ATRN: variants seen among roughly 807,000 people sequenced by gnomAD.
The protein encoded by ATRN is attractin.
A neutral mutation model predicts 178.7 loss-of-function variants in ATRN; 54 were observed. The ratio of observed to expected loss-of-function variants is 0.30; its 90% CI spans 0.24 to 0.38. The LOEUF is 0.38. ATRN is among the 10% of genes least tolerant of loss of function. ATRN has a pLI of 1.00. For synonymous variants in ATRN, 636 were observed against 663.0 expected, an observed-to-expected ratio of 0.96 and a Z score of 0.63; for missense variants, 1,443 against 1,815.1, an observed-to-expected ratio of 0.79 and a Z score of 3.73.
chr20:3,558,368 C>T (rs2085906328), intron 6 of ATRN, among the ~76,000 whole-genome samples: 1 of 151,846 alleles, frequency 6.6e-6, no homozygotes, highest in Non-Finnish European at 1.5e-5. Context: ...TGTTGATTTT[C>T]AATGGATGGA....
In ATRN at chr20:3,638,270, C is replaced by T. The variant is rs760943397; in HGVS notation, c.3943-558C>T. On this transcript the variant is annotated intron_variant, in intron 26 of 28. Transcript: ENST00000262919. This position sits in a 1 kb window ranked among gnomAD's most constrained non-coding sequence, Gnocchi z 4.5. ...CATGCATTTGGTATTTGTCCTAATG[C>T]TCTCCCTCCCCTTGCTCCCCACCCC... Among the ~76,000 whole-genome samples, 1 of 152,128 alleles carries T rather than the reference C, an allele frequency of 6.6e-6. No individual in the cohort carries two copies. Among genetic ancestry groups the T allele is most frequent in the African/African-American group, 2.4e-5 (1 of 41,424 alleles).
intron 6 of ATRN, among the ~76,000 whole-genome samples, chr20:3,551,124 G>C (rs2085780432): frequency 6.6e-6 from 1 of 152,176 alleles, no homozygotes; most frequent in African/African-American, 2.4e-5. Flanking sequence ...CCCTTTCTCT[G>C]AAGAATTCTC....
At chr20:3,604,998 A>G (rs559173504) in intron 24 of ATRN, among the ~76,000 whole-genome samples, 1 of 152,110 alleles carries the variant, frequency 6.6e-6, no homozygotes, top group East Asian at 1.9e-4. Context: ...TACCTTCTTC[A>G]TTTAGGTGAA....
chr20:3,572,518 A>T (rs541380934), intron 11 of ATRN, among the ~76,000 whole-genome samples: 1 of 152,106 alleles, frequency 6.6e-6, no homozygotes, highest in Non-Finnish European at 1.5e-5. Context: ...GATTGTCTGT[A>T]AAAAGTGTAT....
chr20:3,484,978 C>A (rs2084670968), intron 1 of ATRN, among the ~76,000 whole-genome samples: 1 of 149,550 alleles, frequency 6.7e-6, no homozygotes, highest in Admixed American at 6.7e-5. Context: ...TCATGAGTAT[C>A]TGTATTTATC....
intron 25 of ATRN, chr20:3,628,943 A>G (rs1005685426): frequency 2.0e-6 from 2 of 984,138 alleles, no homozygotes; most frequent in Non-Finnish European, 2.4e-6. Flanking sequence ...CTCTGACTGG[A>G]CTCTGCCTTC....
intron 16 of ATRN, 68 bp downstream of exon 16, chr20:3,582,422 C>T: frequency 2.8e-6 from 4 of 1,414,736 alleles, no homozygotes; most frequent in Non-Finnish European, 4.0e-6. Context: ...AGGCATAGTT[C>T]ATTGCTGAGA....
Position 3,567,535 on chromosome 20 carries a change from CTG to C in ATRN, c.1871+2112_1871+2113del, listed in dbSNP as rs374091125. Among the ~76,000 whole-genome samples the C allele has an allele frequency of 4.3e-4, 66 of 152,216 alleles. 2 individuals are homozygous for C. The South Asian group carries it at 0.013, about 31-fold the overall frequency. ...TGTTTGAACCCTGATATGTAAGTAT[CTG>C]TGTGTGTGAGACAGGATTGGGTAGG... On this transcript the variant is annotated intron_variant, in intron 11 of 28. Coordinates refer to ENST00000262919, the MANE Select transcript of ATRN (RefSeq NM_139321.3).
At chr20:3,615,130 TGTCTGTATCTTAA>T (rs1376558832) in intron 24 of ATRN, among the ~76,000 whole-genome samples, 4 of 152,178 alleles carry the variant, frequency 2.6e-5, no homozygotes, top group Non-Finnish European at 4.4e-5. Context: ...TGGTGTTAAT[TGTCTGTATCTTAA>T]GAGTTTTAAG....
chr20:3,626,524 C>T (rs2086941277), intron 25 of ATRN, among the ~76,000 whole-genome samples: 1 of 152,064 alleles, frequency 6.6e-6, no homozygotes, highest in African/African-American at 2.4e-5. Context: ...CTCTTGTTCA[C>T]CCAGAACACT....
intron 1 of ATRN, among the ~76,000 whole-genome samples, chr20:3,532,549 G>A (rs1208378846): frequency 6.6e-6 from 1 of 152,174 alleles, no homozygotes; most frequent in African/African-American, 2.4e-5. Flanking sequence ...CTTCTTGGAT[G>A]TTTATCATAG....
intron 25 of ATRN, 40 bp downstream of exon 25, chr20:3,624,612 T>G: frequency 1.4e-6 from 2 of 1,471,692 alleles, no homozygotes; most frequent in Non-Finnish European, 1.9e-6. Flanking sequence ...TCTTTTGATT[T>G]AGGCACTAGA....
chr20:3,524,552 G>C (rs1196687898), intron 1 of ATRN, among the ~76,000 whole-genome samples: 3 of 152,020 alleles, frequency 2.0e-5, no homozygotes, highest in African/African-American at 7.2e-5. Context: ...ACTCAGCTCT[G>C]GACCAACAGG....
At chr20:3,551,830 A>G (rs149764897) in intron 6 of ATRN, among the ~76,000 whole-genome samples, 72 of 152,138 alleles carry the variant, frequency 4.7e-4, no homozygotes, top group African/African-American at 1.6e-3. Context: ...CCCTTCACCT[A>G]TATCTGTGCC....
chr20:3,495,667 A>G (rs564341884), intron 1 of ATRN, among the ~76,000 whole-genome samples: 1 of 152,252 alleles, frequency 6.6e-6, no homozygotes, highest in South Asian at 2.1e-4. Context: ...AGGGCTGGTT[A>G]AATAAAATAT....
chr20:3,483,904 T>C (rs1329833410), intron 1 of ATRN, among the ~76,000 whole-genome samples: 4 of 152,144 alleles, frequency 2.6e-5, no homozygotes, highest in Non-Finnish European at 4.4e-5. Flanking sequence ...TAAAAATATT[T>C]ATTGAGTAGA....
At chr20:3,472,395 C>T (rs2084443878) in intron 1 of ATRN, among the ~76,000 whole-genome samples, 1 of 152,158 alleles carries the variant, frequency 6.6e-6, no homozygotes, top group South Asian at 2.1e-4. Context: ...GAGTCATTCA[C>T]GCCTTTGACA....
chr20:3,628,966 AC>A, intron 25 of ATRN: 1 of 985,162 alleles, frequency 1.0e-6, no homozygotes, highest in Non-Finnish European at 1.2e-6. Flanking sequence ...CATCTGCAGC[AC>A]GACATGCCCA....
intron 24 of ATRN, among the ~76,000 whole-genome samples, chr20:3,607,272 T>C (rs937956182): frequency 5.3e-5 from 8 of 152,234 alleles, no homozygotes; most frequent in Non-Finnish European, 8.8e-5. Flanking sequence ...TCTAGCTATT[T>C]TGAAATAATG....
Sources: gnomAD v4.1 joint callset for allele counts (sites outside exome capture counted in the v4.1 genomes callset) on GRCh38, gnomAD v4.1.1 for gene constraint, Gnocchi (gnomAD v3.1) non-coding constraint, MANE v1.5 for transcripts, NCBI Gene and HGNC (gene_info 2026-07-23, HGNC 2026-07-21) for gene names.